PRIM2: variants seen among roughly 807,000 people sequenced by gnomAD.
PRIM2 encodes DNA primase large subunit.
In PRIM2, 39 loss-of-function variants were observed where a neutral mutation model predicts 67.3. That is an observed-to-expected ratio of 0.58 (90% CI 0.45 to 0.76). The LOEUF (loss-of-function observed/expected upper bound fraction) is 0.76, where lower values mean the gene tolerates loss of function less well. PRIM2 is among the 30% of genes least tolerant of loss of function. PRIM2 has a pLI of 0.00. For synonymous variants in PRIM2, 143 were observed against 198.7 expected (o/e 0.72, Z 2.36); for missense variants, 398 against 598.7 (o/e 0.66, Z 3.50).
chr6:57,394,177 G>GT (rs2127349600), intron 7 of PRIM2, among the ~76,000 whole-genome samples: 1 of 148,914 alleles, frequency 6.7e-6, no homozygotes, highest in East Asian at 1.9e-4. Flanking sequence ...TTTTAGAATT[G>GT]TTTTTTTCTA....
the PRIM2 span, among the ~76,000 whole-genome samples, chr6:57,235,364 T>C: frequency 1.3e-5 from 2 of 151,726 alleles, no homozygotes; most frequent in African/African-American, 4.8e-5. Context: ...CTCAGGAGGC[T>C]GAGGCAGGAG....
rs543412501 is a variant in PRIM2 at position 57,376,618 on chromosome 6, G to A, written c.460-3283G>A. ...AGCTATTACGATTTTATTTGGGATTGTATTGAATCTATAGGTTAATTTGAA... is the reference window on the plus strand; with the variant it reads ...AGCTATTACGATTTTATTTGGGATTATATTGAATCTATAGGTTAATTTGAA... On this transcript the variant is annotated intron_variant, in intron 5 of 13. Coordinates refer to ENST00000615550, the MANE Select transcript of PRIM2 (RefSeq NM_000947.5). Among the ~76,000 whole-genome samples the A allele has an allele frequency of 6.6e-5, 10 of 152,300 alleles. No individual in the cohort carries two copies. The South Asian group carries it at 1.0e-3, about 16-fold the overall frequency.
At chr6:57,405,975 A>G (rs1194943957) in intron 7 of PRIM2, among the ~76,000 whole-genome samples, 1 of 152,240 alleles carries the variant, frequency 6.6e-6, no homozygotes, top group South Asian at 2.1e-4. Flanking sequence ...GCAGGGAGAC[A>G]TATAAACAGT....
chr6:57,501,380 A>G (rs1562777787), intron 7 of PRIM2, among the ~76,000 whole-genome samples: 1 of 151,902 alleles, frequency 6.6e-6, no homozygotes, highest in Non-Finnish European at 1.5e-5. Context: ...GCTCACTACA[A>G]CCTCTGCCTC....
intron 10 of PRIM2, among the ~76,000 whole-genome samples, chr6:57,588,350 G>C (rs1310912730): frequency 9.2e-5 from 14 of 151,728 alleles, no homozygotes; most frequent in Non-Finnish European, 1.5e-4. Flanking sequence ...TGTGGGGAAG[G>C]GGGCAGGAAG....
At chr6:57,474,996 G>A (rs1773441453) in intron 7 of PRIM2, among the ~76,000 whole-genome samples, 2 of 152,122 alleles carry the variant, frequency 1.3e-5, no homozygotes, top group South Asian at 2.1e-4. Flanking sequence ...TTAGGCAATC[G>A]GCTGCTCTGG....
chr6:57,587,660 G>T (rs1776215492), intron 10 of PRIM2, among the ~76,000 whole-genome samples: 2 of 55,562 alleles, frequency 3.6e-5, no homozygotes, highest in African/African-American at 8.0e-5. Context: ...GTGAGACTCT[G>T]TCTCAAAAAA....
intron 5 of PRIM2, among the ~76,000 whole-genome samples, chr6:57,341,316 GT>G (rs1167080207): frequency 6.6e-6 from 1 of 152,146 alleles, no homozygotes; most frequent in Non-Finnish European, 1.5e-5. Context: ...TATGCCTTAT[GT>G]TTTTGAAATA....
At chr6:57,268,387 T>C in the PRIM2 span, among the ~76,000 whole-genome samples, 1 of 152,132 alleles carries the variant, frequency 6.6e-6, no homozygotes, top group African/African-American at 2.4e-5. Flanking sequence ...TGTAAAGACT[T>C]CATATATTGA....
chr6:57,612,791 G>A (rs1227847072), intron 12 of PRIM2, among the ~76,000 whole-genome samples: 14 of 132,840 alleles, frequency 1.1e-4, no homozygotes, highest in Admixed American at 5.3e-4. Context: ...TTTTCTTTTC[G>A]CCTTTTTTTT....
At chr6:57,520,052 T>C (rs1774579530) in intron 8 of PRIM2, among the ~76,000 whole-genome samples, 1 of 152,116 alleles carries the variant, frequency 6.6e-6, no homozygotes, top group African/African-American at 2.4e-5. Context: ...CCCTTAAACA[T>C]TATGAGGCAT....
intron 13 of PRIM2, among the ~76,000 whole-genome samples, chr6:57,638,761 C>T (rs1363067766): frequency 3.3e-5 from 5 of 151,898 alleles, no homozygotes; most frequent in African/African-American, 4.8e-5. Context: ...ATTCATAAAG[C>T]GAGTTCTTAG....
intron 10 of PRIM2, among the ~76,000 whole-genome samples, chr6:57,547,648 C>T (rs1353907951): frequency 6.6e-6 from 1 of 152,130 alleles, no homozygotes; most frequent in Non-Finnish European, 1.5e-5. Flanking sequence ...TGTTGTTATT[C>T]TGAATTGCTT....
At chr6:57,455,741 A>G (rs556719931) in intron 7 of PRIM2, among the ~76,000 whole-genome samples, 30 of 152,044 alleles carry the variant, frequency 2.0e-4, no homozygotes, top group Non-Finnish European at 3.8e-4. Flanking sequence ...TCTTTATCCA[A>G]TTTGCCAGTC....
chr6:57,226,541 T>G, the PRIM2 span, among the ~76,000 whole-genome samples: 1 of 152,196 alleles, frequency 6.6e-6, no homozygotes, highest in Non-Finnish European at 1.5e-5. Context: ...GGCCAGATCA[T>G]GAAGACCTTG....
intron 8 of PRIM2, among the ~76,000 whole-genome samples, chr6:57,523,714 G>T (rs1325028963): frequency 6.6e-6 from 1 of 151,720 alleles, no homozygotes; most frequent in Non-Finnish European, 1.5e-5. Flanking sequence ...AGCATGAAAA[G>T]ATTATTATTA....
Position 57,646,036 on chromosome 6 carries a change from A to G in PRIM2, c.1408A>G (p.Thr470Ala), listed in dbSNP as rs1189305044. 6.2e-7 allele frequency: 1 copy of G among 1,602,780 alleles called. No homozygotes were observed. Among genetic ancestry groups the G allele is most frequent in the African/African-American group, 1.3e-5 (1 of 74,718 alleles). Residue 470 changes from threonine to alanine, a missense_variant, in exon 14 of 14, where the codon ACT (threonine) becomes GCT (alanine). Physicochemically the swap from Thr to Ala is moderately conservative, Grantham distance 58. Coordinates refer to ENST00000615550, the MANE Select transcript of PRIM2 (RefSeq NM_000947.5). ...AAAGAAGGAACCTATCCAACCAGAA[A>G]CTCCTCAACCCAAACCAAGTGTCCA... Reference protein sequence around the residue: ...DIKKEPIQPETPQPKPSVQKT... With the variant: ...DIKKEPIQPEAPQPKPSVQKT...
intron 12 of PRIM2, among the ~76,000 whole-genome samples, chr6:57,621,976 A>T (rs1776865233): frequency 6.6e-6 from 1 of 151,150 alleles, no homozygotes; most frequent in African/African-American, 2.4e-5. Context: ...TTTGAGATGG[A>T]GTCTCACTCT....
At chr6:57,224,803 A>G in the PRIM2 span, among the ~76,000 whole-genome samples, 2 of 152,356 alleles carry the variant, frequency 1.3e-5, no homozygotes, top group East Asian at 3.8e-4. Context: ...ATGCCACCCC[A>G]AAACATGCCA....
Sources: gnomAD v4.1 joint callset for allele counts (sites outside exome capture counted in the v4.1 genomes callset) on GRCh38, gnomAD v4.1.1 for gene constraint, MANE v1.5 for transcripts, NCBI Gene and HGNC (gene_info 2026-07-23, HGNC 2026-07-21) for gene names.